The following SHROOM3 variants were observed in gnomAD, a reference collection of about 807,000 sequenced individuals.
SHROOM3 encodes protein Shroom3.
Under a neutral mutation model 138.6 loss-of-function variants are expected in SHROOM3, and 47 were observed. That is an observed-to-expected ratio of 0.34 (90% CI 0.27 to 0.43). The LOEUF (loss-of-function observed/expected upper bound fraction) is 0.43. Among genes scored for constraint, SHROOM3 ranks in the 20% least tolerant of loss-of-function variants. The pLI, the probability that SHROOM3 is intolerant of heterozygous loss-of-function variation, is 1.00. For missense variants in SHROOM3, 2,491 were observed against 2,596.5 expected, an observed-to-expected ratio of 0.96 and a Z score of 0.88; for synonymous variants, 1,062 against 1,063.3, an observed-to-expected ratio of 1.00 and a Z score of 0.02.
At chr4:76,589,705 C>T (rs1346079980) in intron 2 of SHROOM3, among the ~76,000 whole-genome samples, 1 of 152,218 alleles carries the variant, frequency 6.6e-6, no homozygotes, top group Non-Finnish European at 1.5e-5. Context: ...CCACATTGCC[C>T]ATCAGCCCTC....
chr4:76,508,542 A>G (rs1732262571), intron 1 of SHROOM3, among the ~76,000 whole-genome samples: 1 of 152,144 alleles, frequency 6.6e-6, no homozygotes, highest in South Asian at 2.1e-4. Context: ...GGGTCCCTTG[A>G]GTTTCCATAT....
chr4:76,768,756 CGCCCACCTCA>C (rs974146096), intron 9 of SHROOM3, among the ~76,000 whole-genome samples: 4 of 152,178 alleles, frequency 2.6e-5, no homozygotes, highest in African/African-American at 9.7e-5. Flanking sequence ...ACAGGTGATC[CGCCCACCTCA>C]GCCTCCCAAA....
chr4:76,485,392 G>A (rs909557243), intron 1 of SHROOM3, among the ~76,000 whole-genome samples: 2 of 152,216 alleles, frequency 1.3e-5, no homozygotes, highest in African/African-American at 2.4e-5. Flanking sequence ...TATATGTTTA[G>A]TTGCTTAGAA....
intron 1 of SHROOM3, among the ~76,000 whole-genome samples, chr4:76,551,296 G>A (rs1733348649): frequency 1.3e-5 from 2 of 152,170 alleles, no homozygotes; most frequent in Non-Finnish European, 2.9e-5. Flanking sequence ...TCCCCATAAT[G>A]TTTGCTTTCA....
chr4:76,527,015 G>A (rs1298807701), intron 1 of SHROOM3, among the ~76,000 whole-genome samples: 2 of 152,102 alleles, frequency 1.3e-5, no homozygotes, highest in East Asian at 1.9e-4. Context: ...CCAGCCACCC[G>A]ATCGGAGGCA....
chr4:76,708,724 G>C (rs1720138264), intron 2 of SHROOM3, among the ~76,000 whole-genome samples: 1 of 152,184 alleles, frequency 6.6e-6, no homozygotes, highest in African/African-American at 2.4e-5. Context: ...TCACAGAGCT[G>C]CTCAGTGGGT....
At chr4:76,749,628 A>G (rs1721556661) in intron 6 of SHROOM3, among the ~76,000 whole-genome samples, 1 of 152,242 alleles carries the variant, frequency 6.6e-6, no homozygotes, top group South Asian at 2.1e-4. Context: ...ACAGCTTCAC[A>G]GAGGAAGGCA....
At chr4:76,692,027 C>G (rs1719567463) in intron 2 of SHROOM3, among the ~76,000 whole-genome samples, 2 of 152,150 alleles carry the variant, frequency 1.3e-5, no homozygotes, top group Admixed American at 1.3e-4. Flanking sequence ...CCTCAATTGC[C>G]TTGACACCTT....
chr4:76,610,877 G>C (rs1020603935), intron 2 of SHROOM3, among the ~76,000 whole-genome samples: 3 of 152,122 alleles, frequency 2.0e-5, no homozygotes, highest in African/African-American at 7.2e-5. Flanking sequence ...CCAGCTGGGG[G>C]GTTAAGATTC....
Position 76,740,135 on chromosome 4 carries a change from C to G in SHROOM3, c.1962C>G (p.Asn654Lys). 6.2e-7 allele frequency: 1 copy of G among 1,613,908 alleles called. No homozygotes were observed. Reference sequence around the variant, plus strand: ...GCCTAGGCCAGAGCCTGTCAGGCAACTTTGGCAAGACCAAGTCAGCCTTCT... The same window carrying G: ...GCCTAGGCCAGAGCCTGTCAGGCAAGTTTGGCAAGACCAAGTCAGCCTTCT... ...REGLGQSLSG[N>K]FGKTKSAFSS... is the part of the protein sequence containing the mutation. Residue 654 changes from asparagine (N) to lysine (K), a missense_variant, in exon 5 of 11, where the codon AAC becomes AAG. Physicochemically the swap from Asn to Lys is moderately conservative, Grantham distance 94. Transcript: ENST00000296043. This position sits in a 1 kb window ranked among gnomAD's most constrained non-coding sequence, Gnocchi z 4.0.
intron 1 of SHROOM3, among the ~76,000 whole-genome samples, chr4:76,542,357 C>T (rs1482380537): frequency 2.0e-5 from 3 of 152,162 alleles, no homozygotes; most frequent in Non-Finnish European, 2.9e-5. Flanking sequence ...CAGAGATGTC[C>T]ACCTCCTAGT....
At chr4:76,672,576 A>ATT (rs112835286) in intron 2 of SHROOM3, among the ~76,000 whole-genome samples, 19 of 151,732 alleles carry the variant, frequency 1.3e-4, no homozygotes, top group African/African-American at 3.4e-4. Flanking sequence ...GGATACATGC[A>ATT]TTTTTTTTGT....
intron 1 of SHROOM3, among the ~76,000 whole-genome samples, chr4:76,526,227 C>A (rs1357154582): frequency 1.3e-5 from 2 of 151,984 alleles, no homozygotes; most frequent in Non-Finnish European, 2.9e-5. Flanking sequence ...ATTAGCTGGG[C>A]GTGGTGGCAG....
chr4:76,446,995 G>C (rs1247373761), intron 1 of SHROOM3, among the ~76,000 whole-genome samples: 2 of 152,142 alleles, frequency 1.3e-5, no homozygotes, highest in African/African-American at 4.8e-5. Flanking sequence ...CTACTCGCCG[G>C]CTTTCCTAAT....
intron 2 of SHROOM3, among the ~76,000 whole-genome samples, chr4:76,699,007 C>A (rs545104758): frequency 6.6e-6 from 1 of 152,198 alleles, no homozygotes; most frequent in Non-Finnish European, 1.5e-5. Flanking sequence ...CTGTCACCCT[C>A]CCCATGGTGA....
chr4:76,522,517 G>A (rs115651474), intron 1 of SHROOM3, among the ~76,000 whole-genome samples: 1,920 of 152,114 alleles, frequency 0.013, 37 homozygotes, highest in African/African-American at 0.044. Context: ...ATTCTTGTTT[G>A]GGGCAGTGGC....
chr4:76,752,586 A>C (rs1203471252), intron 6 of SHROOM3, among the ~76,000 whole-genome samples: 4 of 152,092 alleles, frequency 2.6e-5, no homozygotes, highest in African/African-American at 9.7e-5. Context: ...TGACCCTCTC[A>C]CACTCTATTA....
chr4:76,561,482 T>G (rs1265646329), intron 2 of SHROOM3, among the ~76,000 whole-genome samples: 1 of 151,966 alleles, frequency 6.6e-6, no homozygotes, highest in African/African-American at 2.4e-5. Context: ...TTTCAGCCCT[T>G]GAGTCTCTGC....
chr4:76,622,623 A>G (rs1484368264), intron 2 of SHROOM3, among the ~76,000 whole-genome samples: 2 of 152,132 alleles, frequency 1.3e-5, no homozygotes, highest in Non-Finnish European at 2.9e-5. Flanking sequence ...TCAAGAAGGA[A>G]CAAAAAATGG....
Sources: gnomAD v4.1 joint callset for allele counts (sites outside exome capture counted in the v4.1 genomes callset) on GRCh38, gnomAD v4.1.1 for gene constraint, Gnocchi (gnomAD v3.1) non-coding constraint, MANE v1.5 for transcripts, NCBI Gene and HGNC (gene_info 2026-07-23, HGNC 2026-07-21) for gene names.